Variants in HPSE2 observed in about 807,000 individuals in gnomAD.
HPSE2 encodes heparanase 2 (inactive).
HPSE2 carries 38 observed loss-of-function variants against 60.5 expected under a neutral mutation model. That is an observed-to-expected ratio of 0.63 (90% CI 0.48 to 0.82). The LOEUF (loss-of-function observed/expected upper bound fraction) is 0.82, where lower values mean the gene tolerates loss of function less well. Ranked by LOEUF, HPSE2 falls within the 40% of genes least tolerant of loss-of-function variation. The pLI, the probability that HPSE2 is intolerant of heterozygous loss-of-function variation, is 0.00. For missense variants in HPSE2, 713 were observed against 740.4 expected (o/e 0.96, Z 0.43); for synonymous variants, 295 against 293.2 (o/e 1.01, Z -0.06).
intron 9 of HPSE2, among the ~76,000 whole-genome samples, chr10:98,512,696 C>G (rs1342222621): frequency 1.3e-5 from 2 of 151,936 alleles, no homozygotes; most frequent in African/African-American, 4.8e-5. Context: ...CTCTATCTGG[C>G]CTTTCATGCT....
rs1450159636 is a variant in HPSE2, at chr10:98,721,920, T to C, written c.785-92A>G. On this transcript the variant is annotated intron_variant, in intron 4 of 11. Transcript: ENST00000370552. ...ACAGATCTCTCTGCCTTTTTCTTAA[T>C]AATATGAAAAAAAAAAACAATAAAA... 6.7e-6 allele frequency: 7 copies of C among 1,044,676 alleles called. No homozygotes were observed. The East Asian group carries it at 1.5e-4, about 23-fold the overall frequency. The allele number at this position is 1,044,676 out of a possible 1,614,324, so 64.7% of individuals were successfully genotyped here.
intron 3 of HPSE2, among the ~76,000 whole-genome samples, chr10:98,845,961 T>C (rs1952024897): frequency 6.6e-6 from 1 of 152,172 alleles, no homozygotes; most frequent in South Asian, 2.1e-4. Context: ...CCAAGTATTT[T>C]CCCCTTGAAC....
chr10:98,662,368 T>C (rs1240730886), intron 6 of HPSE2, among the ~76,000 whole-genome samples: 23 of 152,152 alleles, frequency 1.5e-4, no homozygotes, highest in Admixed American at 1.5e-3. Context: ...AATAATACTA[T>C]GAAGCCATAA....
intron 9 of HPSE2, among the ~76,000 whole-genome samples, chr10:98,541,829 G>A (rs1943475048): frequency 6.6e-6 from 1 of 152,246 alleles, no homozygotes; most frequent in African/African-American, 2.4e-5. Context: ...CTGGAACTGG[G>A]TGGAGCCCAC....
intron 7 of HPSE2, among the ~76,000 whole-genome samples, chr10:98,636,216 T>C (rs1414025720): frequency 6.6e-6 from 1 of 150,596 alleles, no homozygotes; most frequent in African/African-American, 2.4e-5. Flanking sequence ...TTTGAAGTGA[T>C]AAATGTGTGA....
intron 9 of HPSE2, among the ~76,000 whole-genome samples, chr10:98,580,824 T>TTATATATATATATA (rs779671429): frequency 0.048 from 6,096 of 128,120 alleles, 235 homozygotes; most frequent in Non-Finnish European, 0.063. Flanking sequence ...GTGCTTGGTT[T>TTATATATATATATA]TATATATATA....
At chr10:98,846,932 A>T (rs1037029) in intron 3 of HPSE2, among the ~76,000 whole-genome samples, 130,178 of 152,144 alleles carry the variant, frequency 0.86, 56,104 homozygotes, top group African/African-American at 0.95. Flanking sequence ...AATTCCACAA[A>T]ATTATTCTGT....
intron 3 of HPSE2, among the ~76,000 whole-genome samples, chr10:98,987,056 C>T (rs999845330): frequency 1.3e-5 from 2 of 151,952 alleles, no homozygotes; most frequent in African/African-American, 4.8e-5. Context: ...CCGAATTCTA[C>T]CAGAGGTACA....
intron 9 of HPSE2, among the ~76,000 whole-genome samples, chr10:98,596,115 G>A (rs1048915511): frequency 3.9e-5 from 6 of 151,996 alleles, no homozygotes; most frequent in Non-Finnish European, 8.8e-5. Context: ...GTATTTTTTA[G>A]GTGACTTTTG....
the HPSE2 span, among the ~76,000 whole-genome samples, chr10:99,278,565 A>C: frequency 6.6e-6 from 1 of 152,198 alleles, no homozygotes; most frequent in Non-Finnish European, 1.5e-5. Flanking sequence ...CTAGCTAAAA[A>C]GGAGGCTGAG....
chr10:98,973,271 T>C (rs1250681513), intron 3 of HPSE2, among the ~76,000 whole-genome samples: 2 of 152,184 alleles, frequency 1.3e-5, no homozygotes, highest in African/African-American at 4.8e-5. Context: ...TGACAGTGTT[T>C]GCAATTTTCT....
the HPSE2 span, among the ~76,000 whole-genome samples, chr10:99,313,592 ATTTTT>A: frequency 3.1e-4 from 26 of 84,622 alleles, no homozygotes; most frequent in African/African-American, 9.4e-4. Context: ...ACTGACTCCA[ATTTTT>A]TTTTTTTTTT....
At chr10:98,968,731 GAAGTAACTT>G (rs1955876747) in intron 3 of HPSE2, among the ~76,000 whole-genome samples, 1 of 152,088 alleles carries the variant, frequency 6.6e-6, no homozygotes, top group South Asian at 2.1e-4. Context: ...TGTTCTAAGT[GAAGTAACTT>G]AGAAATAAAA....
intron 7 of HPSE2, among the ~76,000 whole-genome samples, chr10:98,636,613 C>T (rs747573277): frequency 1.5e-4 from 23 of 151,784 alleles, no homozygotes; most frequent in Non-Finnish European, 2.5e-4. Flanking sequence ...TAAGTATGTA[C>T]AATTATTATA....
chr10:99,006,030 G>A (rs1956884430), intron 3 of HPSE2, among the ~76,000 whole-genome samples: 1 of 152,126 alleles, frequency 6.6e-6, no homozygotes, highest in Admixed American at 6.5e-5. Context: ...AGGAGACCTG[G>A]AGCCTAGGTC....
chr10:98,555,381 G>T (rs1943976798), intron 9 of HPSE2, among the ~76,000 whole-genome samples: 1 of 152,144 alleles, frequency 6.6e-6, no homozygotes, highest in Admixed American at 6.5e-5. Flanking sequence ...TTCCTGCAGA[G>T]CCCTGTATGT....
At chr10:98,698,812 A>C (rs1948312829) in intron 5 of HPSE2, among the ~76,000 whole-genome samples, 1 of 152,238 alleles carries the variant, frequency 6.6e-6, no homozygotes, top group South Asian at 2.1e-4. Flanking sequence ...AGGGGATATC[A>C]CCACCAATCC....
chr10:99,121,704 T>C (rs1564824343), intron 3 of HPSE2, among the ~76,000 whole-genome samples: 1 of 152,104 alleles, frequency 6.6e-6, no homozygotes, highest in Non-Finnish European at 1.5e-5. Context: ...TCCTGTGTAG[T>C]GTTGGGATAA....
the HPSE2 span, among the ~76,000 whole-genome samples, chr10:99,312,989 G>A: frequency 1.3e-5 from 2 of 152,052 alleles, no homozygotes; most frequent in Non-Finnish European, 2.9e-5. Context: ...AGATCTAGTC[G>A]TTTATGCCAT....
Sources: allele counts gnomAD v4.1 joint callset (sites outside exome capture counted in the v4.1 genomes callset), GRCh38; gene constraint gnomAD v4.1.1; transcripts MANE v1.5; gene names NCBI Gene and HGNC (gene_info 2026-07-23, HGNC 2026-07-21).